Variants in GSE1 observed in about 807,000 individuals in gnomAD.
The protein encoded by GSE1 is Gse1 coiled-coil protein, also known as genetic suppressor element 1.
GSE1 carries 32 observed loss-of-function variants against 112.6 expected under a neutral mutation model. That is an observed-to-expected ratio of 0.28 (90% confidence interval 0.21 to 0.38). The LOEUF is 0.38. Among genes scored for constraint, GSE1 ranks in the 10% least tolerant of loss-of-function variants. The pLI is 1.00. For missense variants in GSE1, 2,348 were observed against 1,699.2 expected, an observed-to-expected ratio of 1.38 and a Z score of -6.71; for synonymous variants, 1,115 against 735.6, an observed-to-expected ratio of 1.52 and a Z score of -8.35.
At chr16:85,281,954 G>T (rs533630279) in intron 1 of GSE1, among the ~76,000 whole-genome samples, 1 of 152,244 alleles carries the variant, frequency 6.6e-6, no homozygotes, top group Non-Finnish European at 1.5e-5. Context: ...GCAGAGCCCT[G>T]TGTAGGGTCT....
intron 2 of GSE1, among the ~76,000 whole-genome samples, chr16:85,522,536 ACT>A (rs1451602602): frequency 6.6e-6 from 1 of 152,120 alleles, no homozygotes; most frequent in African/African-American, 2.4e-5. Flanking sequence ...TGTTCTGAGA[ACT>A]GCCTGTGTCT....
chr16:85,665,590 C>T, intron 12 of GSE1, among the ~76,000 whole-genome samples: 1 of 126,870 alleles, frequency 7.9e-6, no homozygotes, highest in South Asian at 3.3e-4. Context: ...CACCTTTCCT[C>T]CTCTTACAGT....
At chr16:85,444,205 C>T (rs1035360602) in intron 2 of GSE1, among the ~76,000 whole-genome samples, 25 of 152,056 alleles carry the variant, frequency 1.6e-4, no homozygotes, top group Admixed American at 8.5e-4. Flanking sequence ...AGGATGGTCT[C>T]GATCTCTTGA....
intron 2 of GSE1, among the ~76,000 whole-genome samples, chr16:85,385,743 C>T (rs114877302): frequency 0.033 from 5,001 of 152,300 alleles, 282 homozygotes; most frequent in African/African-American, 0.11. Flanking sequence ...GGAGCCCTTC[C>T]GAGGCCTCGG....
At chr16:85,477,845 C>G (rs938753180) in intron 2 of GSE1, among the ~76,000 whole-genome samples, 1 of 152,096 alleles carries the variant, frequency 6.6e-6, no homozygotes, top group African/African-American at 2.4e-5. Flanking sequence ...CAGGTGTGAA[C>G]CACCGCGCCC....
chr16:85,177,577 C>T (rs933878556), intron 1 of GSE1, among the ~76,000 whole-genome samples: 2 of 152,252 alleles, frequency 1.3e-5, no homozygotes, highest in East Asian at 1.9e-4. Context: ...AGATCACAGG[C>T]GATTTGCGTT....
At chr16:85,334,267 T>G (rs2046436808) in intron 1 of GSE1, among the ~76,000 whole-genome samples, 1 of 152,244 alleles carries the variant, frequency 6.6e-6, no homozygotes, top group Admixed American at 6.5e-5. Flanking sequence ...GAGCTGCCAC[T>G]TGCCACCTGG....
At chr16:85,637,226 G>A (rs766495071) in intron 2 of GSE1, among the ~76,000 whole-genome samples, 25 of 152,238 alleles carry the variant, frequency 1.6e-4, no homozygotes, top group Non-Finnish European at 3.4e-4. Context: ...TGCCTCTGTA[G>A]ATGTACCTGT....
intron 1 of GSE1, among the ~76,000 whole-genome samples, chr16:85,315,895 A>C (rs1330119398): frequency 6.6e-6 from 1 of 152,110 alleles, no homozygotes; most frequent in Non-Finnish European, 1.5e-5. Context: ...TATCCGCTGC[A>C]TCCCACGCCA....
chr16:85,542,221 G>A (rs2044544956), intron 2 of GSE1, among the ~76,000 whole-genome samples: 1 of 152,242 alleles, frequency 6.6e-6, no homozygotes, highest in African/African-American at 2.4e-5. Context: ...TGGATCAGCA[G>A]GCGAAGGCGG....
chr16:85,219,294 G>A lies in GSE1; in HGVS notation c.2283+47487G>A, dbSNP rs191203644. ...CTCCGAAAGTGCTGGGATTACAGGC[G>A]TGAGCCACCGTGCCCGGCCAAAAGG... On this transcript the variant is annotated intron_variant, in intron 1 of 2. Transcript: ENST00000637419. 6.6e-5 allele frequency among the ~76,000 whole-genome samples: 10 copies of A among 152,182 alleles called. No homozygotes were observed. In the East Asian group the frequency reaches 1.9e-3, roughly 29 times the overall value.
chr16:85,532,998 T>G (rs1598090984), intron 2 of GSE1, among the ~76,000 whole-genome samples: 1 of 152,334 alleles, frequency 6.6e-6, no homozygotes, highest in Non-Finnish European at 1.5e-5. Context: ...CTACCTCCTG[T>G]TCTGCCGGAG....
chr16:85,664,635 C>T (rs1426222307), intron 11 of GSE1: 7 of 178,638 alleles, frequency 3.9e-5, no homozygotes, highest in African/African-American at 1.4e-4. Flanking sequence ...GGGGAGAAGG[C>T]ACCCTGCCTC....
intron 1 of GSE1, among the ~76,000 whole-genome samples, chr16:85,233,385 C>A (rs748070349): frequency 1.3e-5 from 2 of 152,180 alleles, no homozygotes; most frequent in Admixed American, 1.3e-4. Context: ...CAGGCTGGAG[C>A]CCTCAGGTGG....
At chr16:85,291,540 G>A (rs1382055206) in intron 1 of GSE1, among the ~76,000 whole-genome samples, 1 of 152,146 alleles carries the variant, frequency 6.6e-6, no homozygotes, top group African/African-American at 2.4e-5. Flanking sequence ...GGCCCTGGCA[G>A]GGCAGACTTC....
rs187367488 is a variant in GSE1 at position 85,196,198 on chromosome 16, G to A, written c.2283+24391G>A. Among the ~76,000 whole-genome samples the A allele has an allele frequency of 5.3e-5, 8 of 152,302 alleles. No individual in the cohort carries two copies. The East Asian group carries it at 1.5e-3, about 29-fold the overall frequency. On this transcript the variant is annotated intron_variant, in intron 1 of 2. Transcript: ENST00000637419. ...TGGGGGTTGTGGGTAGAGGGTTGGGGCCCGTGTTATCATTGTCTCGACCTG... is the reference window on the plus strand; with the variant it reads ...TGGGGGTTGTGGGTAGAGGGTTGGGACCCGTGTTATCATTGTCTCGACCTG...
intron 1 of GSE1, among the ~76,000 whole-genome samples, chr16:85,620,947 G>C (rs1210620167): frequency 2.9e-5 from 4 of 138,444 alleles, no homozygotes; most frequent in African/African-American, 8.2e-5. Context: ...GGCCATGGGT[G>C]TCTGCTGTGT....
intron 1 of GSE1, among the ~76,000 whole-genome samples, chr16:85,333,704 A>G (rs372431992): frequency 1.1e-4 from 16 of 152,296 alleles, no homozygotes; most frequent in African/African-American, 2.9e-4. Context: ...ATGGGGGCCC[A>G]AAGAGGGTCC....
chr16:85,548,197 C>A (rs1397011306), intron 2 of GSE1, among the ~76,000 whole-genome samples: 3 of 146,532 alleles, frequency 2.0e-5, no homozygotes, highest in Admixed American at 6.9e-5. Context: ...CCACAGCACT[C>A]CAGCCTGGTG....
Sources: allele counts gnomAD v4.1 joint callset (sites outside exome capture counted in the v4.1 genomes callset), GRCh38; gene constraint gnomAD v4.1.1; transcripts MANE v1.5; gene names NCBI Gene and HGNC (gene_info 2026-07-23, HGNC 2026-07-21).